Variants in CASTOR2 observed in about 807,000 individuals in gnomAD.
CASTOR2 encodes GATS protein like 2.
A neutral mutation model predicts 31.2 loss-of-function variants in CASTOR2; 8 were observed. That is an observed-to-expected ratio of 0.26 (90% confidence interval 0.15 to 0.46). The LOEUF (loss-of-function observed/expected upper bound fraction) is 0.46. Ranked by LOEUF, CASTOR2 falls within the 20% of genes least tolerant of loss-of-function variation. The pLI, the probability that CASTOR2 is intolerant of heterozygous loss-of-function variation, is 0.99. For synonymous variants in CASTOR2, 162 were observed against 158.7 expected (o/e 1.02, Z -0.16); for missense variants, 216 against 382.1 (o/e 0.57, Z 3.62).
chr7:75,007,756 G>C (rs1424251786), intron 1 of CASTOR2: 7 of 619,438 alleles, frequency 1.1e-5, no homozygotes, highest in Non-Finnish European at 2.0e-5. Context: ...CTGGCTCCGA[G>C]GTCCCCAAAG....
rs1805223319 is a variant in CASTOR2, at chr7:75,029,028, C to T, written c.*4329C>T. On this transcript the variant is annotated 3_prime_UTR_variant, in exon 9 of 9. Transcript: ENST00000616305. ...CGTAGCCAGGGTGACATTTGTTCAGCAGGAGGAGGCTTGGTCTGGAGGGGC... is the reference window on the plus strand; with the variant it reads ...CGTAGCCAGGGTGACATTTGTTCAGTAGGAGGAGGCTTGGTCTGGAGGGGC... Among the ~76,000 whole-genome samples the T allele has an allele frequency of 6.6e-6, 1 of 152,218 alleles. No homozygotes were observed. Among genetic ancestry groups the T allele is most frequent in the African/African-American group, 2.4e-5 (1 of 41,446 alleles).
chr7:74,976,531 TCTCCTCCTCCTCCTCCTCCTCCTC>T (rs369879917), intron 1 of CASTOR2, among the ~76,000 whole-genome samples: 3 of 118,842 alleles, frequency 2.5e-5, no homozygotes, highest in Non-Finnish European at 3.5e-5. Context: ...TGAGACCCTG[TCTCCTCCTCCTCCTCCTCCTCCTC>T]CTCCTCCTCC....
intron 1 of CASTOR2, among the ~76,000 whole-genome samples, chr7:74,975,247 C>T (rs1803774975): frequency 1.3e-5 from 2 of 151,512 alleles, no homozygotes; most frequent in South Asian, 4.2e-4. Context: ...GGATTACAGG[C>T]ATGAGCACTG....
At chr7:74,985,672 C>A (rs1804046525) in intron 1 of CASTOR2, among the ~76,000 whole-genome samples, 1 of 148,316 alleles carries the variant, frequency 6.7e-6, no homozygotes, top group Non-Finnish European at 1.5e-5. Context: ...CCCTCACTAA[C>A]TGTGACAGTG....
chr7:75,005,208 A>G (rs1370493586), intron 1 of CASTOR2, among the ~76,000 whole-genome samples: 17 of 151,976 alleles, frequency 1.1e-4, no homozygotes, highest in South Asian at 2.1e-4. Flanking sequence ...CCACTGCCAC[A>G]CTCAAGAGGC....
Position 75,008,082 on chromosome 7 carries a change from T to C in CASTOR2, c.184+18T>C. The C allele has an allele frequency of 1.2e-6, 2 of 1,613,666 alleles. No homozygotes were observed. On this transcript the variant is annotated intron_variant, in intron 2 of 8. Transcript: ENST00000616305. ...ATTCCTAGGTAAGTGCTTCTCTCCC[T>C]AGGGGCTCGGCTGGACCATGCCCCG... is the stretch of plus-strand genomic sequence containing the variant.
At chr7:75,024,294 A>G in intron 7 of CASTOR2, 146 bp from the exon 8 acceptor site, 1 of 873,064 alleles carries the variant, frequency 1.1e-6, no homozygotes, top group Non-Finnish European at 1.9e-6. Flanking sequence ...CATCTCAAAA[A>G]AAATAAAAGG....
At position 75,018,018 on chromosome 7, in the gene CASTOR2, C is replaced by G; in HGVS notation, c.407C>G (p.Thr136Ser). 1 of 1,614,238 alleles carries G rather than the reference C, an allele frequency of 6.2e-7. No individual in the cohort carries two copies. The highest frequency in any genetic ancestry group is 8.5e-7 in the Non-Finnish European group (1 of 1,180,038). ...LVRERDLPFV[T>S]HTLSSEFTIL... The stretch of plus-strand genomic sequence containing the variant: ...CGCGAGCGGGACCTGCCCTTTGTCA[C>G]CCACACATTGTCATCAGAGTTCACC... Residue 136 changes from threonine (T) to serine (S), a missense_variant, in exon 4 of 9, where the codon ACC (threonine) becomes AGC (serine). Coordinates refer to ENST00000616305, the MANE Select transcript of CASTOR2 (RefSeq NM_001145064.3).
chr7:74,999,601 C>CTTTTTTTTTTT lies in CASTOR2; in HGVS notation c.114-8368_114-8358dup, dbSNP rs1158456043. Among the ~76,000 whole-genome samples, 26 of 45,782 alleles carry CTTTTTTTTTTT rather than the reference C, an allele frequency of 5.7e-4. 7 individuals carry two copies. Among genetic ancestry groups the CTTTTTTTTTTT allele is most frequent in the African/African-American group, 2.4e-3 (19 of 7,974 alleles). 30.0% of individuals were successfully genotyped at this position (45,782 alleles called of 152,430 possible). On this transcript the variant is annotated intron_variant, in intron 1 of 8. Transcript: ENST00000616305. ...CCCGAAACACTTCTATCACTCACTG[C>CTTTTTTTTTTT]TTTTTTTTTTTTTTTTTTTTTTTTT... is the stretch of plus-strand genomic sequence containing the variant.
At chr7:74,990,821 C>T (rs1310604243) in intron 1 of CASTOR2, among the ~76,000 whole-genome samples, 4 of 152,190 alleles carry the variant, frequency 2.6e-5, no homozygotes, top group Non-Finnish European at 5.9e-5. Flanking sequence ...TGCCACTGTA[C>T]TCCAGCCTGG....
chr7:74,986,319 C>G (rs1330871786), intron 1 of CASTOR2, among the ~76,000 whole-genome samples: 1 of 151,372 alleles, frequency 6.6e-6, no homozygotes, highest in Admixed American at 6.6e-5. Flanking sequence ...AACCCTGTCT[C>G]TACTAAAAAT....
At chr7:75,011,103 A>G (rs1413883159) in intron 2 of CASTOR2, among the ~76,000 whole-genome samples, 1 of 151,852 alleles carries the variant, frequency 6.6e-6, no homozygotes, top group East Asian at 1.9e-4. Flanking sequence ...CAAGTGATCC[A>G]CCTGCCTTGA....
chr7:75,004,299 G>A (rs1452767757), intron 1 of CASTOR2, among the ~76,000 whole-genome samples: 2 of 152,194 alleles, frequency 1.3e-5, no homozygotes, highest in Non-Finnish European at 2.9e-5. Context: ...GGCAATACTT[G>A]CAAATTGGAT....
At chr7:75,009,393 G>A (rs1426987328) in intron 2 of CASTOR2, among the ~76,000 whole-genome samples, 55 of 132,142 alleles carry the variant, frequency 4.2e-4, no homozygotes, top group African/African-American at 1.5e-3. Flanking sequence ...TCAGTCTCCC[G>A]AGTAGCTGGG....
At chr7:75,016,515 C>T (rs1346358210) in intron 2 of CASTOR2, among the ~76,000 whole-genome samples, 1 of 152,146 alleles carries the variant, frequency 6.6e-6, no homozygotes, top group African/African-American at 2.4e-5. Context: ...CCAGAGAAGC[C>T]CAATGTGCAG....
chr7:75,005,482 T>C (rs1420396534), intron 1 of CASTOR2, among the ~76,000 whole-genome samples: 1 of 152,182 alleles, frequency 6.6e-6, no homozygotes, highest in Non-Finnish European at 1.5e-5. Flanking sequence ...GTTTATCCTC[T>C]CTCCAGTTGA....
chr7:75,027,733 G>A lies in CASTOR2; in HGVS notation c.*3034G>A, dbSNP rs1293788242. On this transcript the variant is annotated 3_prime_UTR_variant, in exon 9 of 9. Transcript: ENST00000616305. ...GGGACCCTGCTCCTCGGTCACAGGG[G>A]GCCCCTTTAGTTTTCCCATCCCCAT... The A allele has an allele frequency of 2.3e-6, 1 of 438,392 alleles. No homozygotes were observed. The highest frequency in any genetic ancestry group is 2.1e-5 in the African/African-American group (1 of 48,472). The allele number at this position is 438,392 out of a possible 1,614,324, so 27.2% of individuals were successfully genotyped here.
chr7:75,003,658 G>A (rs1385342542), intron 1 of CASTOR2, among the ~76,000 whole-genome samples: 8 of 151,996 alleles, frequency 5.3e-5, no homozygotes, highest in Non-Finnish European at 8.8e-5. Context: ...GCTGAGGCAG[G>A]AGAATGGCGT....
intron 1 of CASTOR2, among the ~76,000 whole-genome samples, chr7:74,989,897 G>C (rs113668292): frequency 4.6e-5 from 7 of 152,186 alleles, no homozygotes; most frequent in African/African-American, 1.7e-4. Context: ...GCAATGATGG[G>C]AATGTCCAGT....
Sources: gnomAD v4.1 joint callset for allele counts (sites outside exome capture counted in the v4.1 genomes callset) on GRCh38, gnomAD v4.1.1 for gene constraint, MANE v1.5 for transcripts, NCBI Gene and HGNC (gene_info 2026-07-23, HGNC 2026-07-21) for gene names.